Variants in ASPG observed in about 807,000 individuals in gnomAD.
ASPG encodes the protein asparaginase, also known as 60 kDa lysophospholipase.
A neutral mutation model predicts 63.2 loss-of-function variants in ASPG; 53 were observed. The observed-to-expected ratio is 0.84, with a 90% CI of 0.67 to 1.05. The LOEUF (loss-of-function observed/expected upper bound fraction) is 1.05, where lower values mean the gene tolerates loss of function less well. Among genes scored for constraint, ASPG ranks in the 50% least tolerant of loss-of-function variants. The pLI is 0.00. For missense variants in ASPG, 741 were observed against 794.4 expected (o/e 0.93, Z 0.81); for synonymous variants, 370 against 355.0 (o/e 1.04, Z -0.48).
intron 10 of ASPG, among the ~76,000 whole-genome samples, chr14:104,106,213 C>A (rs1168922231): frequency 6.6e-6 from 1 of 152,234 alleles, no homozygotes; most frequent in Non-Finnish European, 1.5e-5. Context: ...GAGGCAGCAG[C>A]CTTGTCACCA....
chr14:104,096,528 G>A lies in ASPG; in HGVS notation c.429+872G>A, dbSNP rs772676087. The stretch of plus-strand genomic sequence containing the variant: ...TGTTAGCGGTGGAGCAGTGCCTCCC[G>A]CCCCAGAACTCGAGAAGGAGGGACA... On this transcript the variant is annotated intron_variant, in intron 4 of 15. Coordinates refer to ENST00000551177, the MANE Select transcript of ASPG (RefSeq NM_001080464.3). Among the ~76,000 whole-genome samples the A allele has an allele frequency of 1.8e-4, 27 of 152,192 alleles. No individual in the cohort carries two copies. The East Asian group carries it at 1.9e-3, about 11-fold the overall frequency.
At chr14:104,111,443 G>A in intron 13 of ASPG, 59 bp from the exon 14 acceptor site, 2 of 1,415,542 alleles carry the variant, frequency 1.4e-6, no homozygotes, top group African/African-American at 1.4e-5. Flanking sequence ...ACAGGCACGT[G>A]GGCAGATGGA....
intron 7 of ASPG, 49 bp downstream of exon 7, chr14:104,103,724 C>G (rs1479774831): frequency 6.7e-7 from 1 of 1,487,536 alleles, no homozygotes; most frequent in Non-Finnish European, 9.1e-7. Flanking sequence ...AGCCCCAGCC[C>G]TCTGCAGCTC....
At position 104,113,905 on chromosome 14, in the gene ASPG, C is replaced by T. The variant is rs1253254766; in HGVS notation, c.*1361C>T. 1 of 152,370 alleles carries T rather than the reference C, an allele frequency of 6.6e-6. No homozygotes were observed. Among genetic ancestry groups the T allele is most frequent in the East Asian group, 1.9e-4 (1 of 5,198 alleles). The allele number at this position is 152,370 out of a possible 1,614,324, so 9.4% of individuals were successfully genotyped here. On this transcript the variant is annotated 3_prime_UTR_variant, in exon 16 of 16. Coordinates refer to ENST00000551177, the MANE Select transcript of ASPG (RefSeq NM_001080464.3). ...GGCACCGGGCCCCAGAGCCAGGAGC[C>T]CCTGCTGTCCCCGGATGGCCGAGAC...
At chr14:104,106,746 C>T (rs2037146360) in intron 10 of ASPG, 53 bp from the exon 11 acceptor site, 2 of 1,490,616 alleles carry the variant, frequency 1.3e-6, no homozygotes, top group Non-Finnish European at 1.8e-6. Flanking sequence ...CTGCCAGTTC[C>T]ACCAGATGCC....
At chr14:104,095,508 C>T (rs2036557237) in intron 3 of ASPG, 23 bp from the exon 4 acceptor site, 2 of 1,611,986 alleles carry the variant, frequency 1.2e-6, no homozygotes, top group Middle Eastern at 1.6e-4. Context: ...GCTGGCCTGC[C>T]TGAGCATGCG....
chr14:104,106,638 AG>A (rs2037141344), intron 10 of ASPG, among the ~76,000 whole-genome samples, 160 bp from the exon 11 acceptor site: 1 of 152,050 alleles, frequency 6.6e-6, no homozygotes, highest in Admixed American at 6.6e-5. Context: ...GCTCAACCCC[AG>A]GCCTTCCGAT....
At chr14:104,095,807 G>A (rs973759364) in intron 4 of ASPG, among the ~76,000 whole-genome samples, 151 bp downstream of exon 4, 4 of 152,118 alleles carry the variant, frequency 2.6e-5, no homozygotes, top group East Asian at 1.9e-4. Context: ...GCTGGGGCTC[G>A]CAAATGCTCA....
At chr14:104,094,845 T>G (rs1197078425) in intron 3 of ASPG, among the ~76,000 whole-genome samples, 1 of 152,178 alleles carries the variant, frequency 6.6e-6, no homozygotes, top group African/African-American at 2.4e-5. Context: ...GCCCTTCCCC[T>G]CCTTGGCCTC....
At chr14:104,103,476 C>T (rs888607183) in intron 6 of ASPG, 87 bp from the exon 7 acceptor site, 30 of 1,137,774 alleles carry the variant, frequency 2.6e-5, no homozygotes, top group East Asian at 1.6e-4. Flanking sequence ...AGGGAGGAGG[C>T]GGCCTGTGCA....
chr14:104,093,467 C>T (rs1399804866), intron 2 of ASPG, 24 bp from the exon 3 acceptor site: 2 of 1,582,662 alleles, frequency 1.3e-6, no homozygotes, highest in South Asian at 1.1e-5. Context: ...TGCTGTTCCG[C>T]CTCCTGCTGT....
rs1195266276 is a variant in ASPG, at chr14:104,111,636, G to A, written c.1620+35G>A. ...CCCACCCCCTGCACCCTCTCCAAAG[G>A]CTGCCACCTCCAGGAAGGACACCTG... On this transcript the variant is annotated intron_variant, in intron 14 of 15. Transcript: ENST00000551177. 2.6e-6 allele frequency: 4 copies of A among 1,526,308 alleles called. No individual in the cohort carries two copies. In the Admixed American group the frequency reaches 8.0e-5, roughly 31 times the overall value. The allele number at this position is 1,526,308 out of a possible 1,614,324, so 94.5% of individuals were successfully genotyped here.
chr14:104,091,556 G>T lies in ASPG; in HGVS notation c.83-1077G>T, dbSNP rs2036368313. Among the ~76,000 whole-genome samples the T allele has an allele frequency of 6.6e-6, 1 of 152,130 alleles. No individual in the cohort carries two copies. The highest frequency in any genetic ancestry group is 2.4e-5 in the African/African-American group (1 of 41,416). ...TCACGGGTGCCATAAACCTTCACGG[G>T]GCCAAGGGCTGGTGTCCCGGGGCTG... On this transcript the variant is annotated intron_variant, in intron 1 of 15. Coordinates refer to ENST00000551177, the MANE Select transcript of ASPG (RefSeq NM_001080464.3). This position sits in a 1 kb window ranked among gnomAD's most constrained non-coding sequence, Gnocchi z 6.4.
chr14:104,093,259 G>A (rs1483164428), intron 2 of ASPG: 1 of 594,478 alleles, frequency 1.7e-6, no homozygotes, highest in African/African-American at 1.9e-5. Flanking sequence ...GTGGGAAGAA[G>A]ACTGCTGGGA....
intron 12 of ASPG, chr14:104,108,848 G>T: frequency 1.0e-6 from 1 of 985,412 alleles, no homozygotes; most frequent in Non-Finnish European, 1.2e-6. Flanking sequence ...CTCATGTAAG[G>T]CTGTCCTCTG....
At chr14:104,099,146 C>T (rs1465039796) in intron 6 of ASPG, among the ~76,000 whole-genome samples, 167 bp downstream of exon 6, 1 of 152,200 alleles carries the variant, frequency 6.6e-6, no homozygotes, top group Admixed American at 6.5e-5. Flanking sequence ...GCCAGGGCTG[C>T]GTGGACAGGG....
At chr14:104,111,220 T>C (rs1353696686) in intron 13 of ASPG, 4 of 967,786 alleles carry the variant, frequency 4.1e-6, no homozygotes, top group Middle Eastern at 1.1e-3. Flanking sequence ...CCTGTGTGTG[T>C]ACATGTATGC....
intron 5 of ASPG, among the ~76,000 whole-genome samples, chr14:104,097,897 TA>T (rs1187622979): frequency 5.0e-5 from 7 of 141,354 alleles, no homozygotes; most frequent in South Asian, 2.4e-4. Flanking sequence ...GGTTCTGCGT[TA>T]GAGATGCGTA....
Position 104,087,844 on chromosome 14 carries a change from G to A in ASPG, c.82+1992G>A, listed in dbSNP as rs141434984. On this transcript the variant is annotated intron_variant, in intron 1 of 15. Transcript: ENST00000551177. Reference sequence around the variant, plus strand: ...GTGGGTGCACTCACACGCGTGCACCGCATTTCTGAAAGAGGCTGTGAGGTC... The same window carrying A: ...GTGGGTGCACTCACACGCGTGCACCACATTTCTGAAAGAGGCTGTGAGGTC... 3.2e-4 allele frequency among the ~76,000 whole-genome samples: 49 copies of A among 152,314 alleles called. 1 individual carries two copies. The highest frequency in any genetic ancestry group is 1.2e-3 in the South Asian group (6 of 4,816).
Sources: gnomAD v4.1 joint callset for allele counts (sites outside exome capture counted in the v4.1 genomes callset) on GRCh38, gnomAD v4.1.1 for gene constraint, Gnocchi (gnomAD v3.1) non-coding constraint, MANE v1.5 for transcripts, NCBI Gene and HGNC (gene_info 2026-07-23, HGNC 2026-07-21) for gene names.